Variants in C4orf36 observed in about 807,000 individuals in gnomAD.
C4orf36 encodes the protein uncharacterized protein C4orf36.
In C4orf36, 11 loss-of-function variants were observed where a neutral mutation model predicts 12.2. That is an observed-to-expected ratio of 0.90 (90% CI 0.57 to 1.49). The LOEUF (loss-of-function observed/expected upper bound fraction) is 1.49. C4orf36 is among the 40% of genes most tolerant of loss of function. The pLI, the probability that C4orf36 is intolerant of heterozygous loss-of-function variation, is 0.00. For missense variants in C4orf36, 137 were observed against 133.9 expected, an observed-to-expected ratio of 1.02 and a Z score of -0.11; for synonymous variants, 54 against 51.3, an observed-to-expected ratio of 1.05 and a Z score of -0.22.
At chr4:86,928,912 C>CT in the C4orf36 span, among the ~76,000 whole-genome samples, 1 of 151,390 alleles carries the variant, frequency 6.6e-6, no homozygotes, top group African/African-American at 2.4e-5. Flanking sequence ...TCCTCCTTCC[C>CT]TCTCCTTCTC....
At chr4:86,935,131 G>C in the C4orf36 span, 1 of 152,254 alleles carries the variant, frequency 6.6e-6, no homozygotes, top group Admixed American at 6.5e-5. Flanking sequence ...GGGAGGAGGC[G>C]CTCCCCTGCG....
intron 3 of C4orf36, 89 bp from the exon 4 acceptor site, chr4:86,887,982 T>C (rs1747243945): frequency 1.3e-6 from 2 of 1,557,460 alleles, no homozygotes; most frequent in Non-Finnish European, 1.7e-6. Context: ...GCAAAATCCA[T>C]ATGCCTGAAT....
rs78316143 is a variant in C4orf36 at position 86,890,142 on chromosome 4, C to T, written c.65+1314G>A. Reference sequence around the variant, plus strand: ...AGGAGGTGCACAACATTCCAGCCTGCGTGACAGTGTGAGACCCTGTCAGGA... The same window carrying T: ...AGGAGGTGCACAACATTCCAGCCTGTGTGACAGTGTGAGACCCTGTCAGGA... On this transcript the variant is annotated intron_variant, in intron 2 of 4. Coordinates refer to ENST00000295898, the MANE Select transcript of C4orf36 (RefSeq NM_144645.4). 3,917 of 433,780 alleles carry T rather than the reference C, an allele frequency of 9.0e-3. 146 individuals carry two copies. The highest frequency in any genetic ancestry group is 0.08 in the African/African-American group (3,499 of 44,000). 26.9% of individuals were successfully genotyped at this position (433,780 alleles called of 1,614,324 possible).
the C4orf36 span, among the ~76,000 whole-genome samples, chr4:86,923,083 C>T: frequency 1.3e-5 from 2 of 149,030 alleles, no homozygotes; most frequent in African/African-American, 5.0e-5. Context: ...CTGCATCCAG[C>T]TGCCTTTTTT....
the C4orf36 span, among the ~76,000 whole-genome samples, chr4:86,932,058 AGAT>A: frequency 3.0e-4 from 5 of 16,858 alleles, no homozygotes; most frequent in Non-Finnish European, 1.4e-3. Flanking sequence ...AAAAAAAAAA[AGAT>A]TTATTCCGGG....
chr4:86,926,405 A>C, the C4orf36 span: 1 of 152,206 alleles, frequency 6.6e-6, no homozygotes, highest in African/African-American at 2.4e-5. Flanking sequence ...GGAGAACCAC[A>C]ACCAATTGTA....
At chr4:86,907,459 G>C in the C4orf36 span, among the ~76,000 whole-genome samples, 4 of 152,126 alleles carry the variant, frequency 2.6e-5, no homozygotes, top group Non-Finnish European at 5.9e-5. Flanking sequence ...CATGACACAT[G>C]TAACAAACCT....
intron 2 of C4orf36, among the ~76,000 whole-genome samples, chr4:86,889,077 T>C (rs1433739962): frequency 6.6e-6 from 1 of 152,154 alleles, no homozygotes; most frequent in Non-Finnish European, 1.5e-5. Flanking sequence ...AGGCCGGGCA[T>C]GGTGGCTCAC....
At chr4:86,925,203 T>C in the C4orf36 span, 2 of 152,080 alleles carry the variant, frequency 1.3e-5, no homozygotes, top group Non-Finnish European at 2.9e-5. Flanking sequence ...GGGACATATA[T>C]CCAAACTGTA....
the C4orf36 span, chr4:86,934,737 G>T: frequency 6.6e-6 from 1 of 152,290 alleles, no homozygotes; most frequent in African/African-American, 2.4e-5. Flanking sequence ...TAAAGTGAAA[G>T]GGTTCTTGCG....
chr4:86,880,212 C>A (rs778556050), intron 4 of C4orf36, among the ~76,000 whole-genome samples: 2 of 152,138 alleles, frequency 1.3e-5, no homozygotes, highest in Non-Finnish European at 2.9e-5. Context: ...GTGGCTCCCA[C>A]CAATACTCCC....
At chr4:86,882,142 T>C (rs1747066894) in intron 4 of C4orf36, among the ~76,000 whole-genome samples, 1 of 152,224 alleles carries the variant, frequency 6.6e-6, no homozygotes, top group African/African-American at 2.4e-5. Context: ...TTTCAATATG[T>C]GCAGTTTTCA....
the C4orf36 span, among the ~76,000 whole-genome samples, chr4:86,929,341 TTTTTTTATTTTA>T: frequency 6.6e-6 from 1 of 152,196 alleles, no homozygotes; most frequent in Non-Finnish European, 1.5e-5. Flanking sequence ...GACTGTGGCC[TTTTTTTATTTTA>T]TTTTTTATTT....
At chr4:86,904,580 C>CAAA in the C4orf36 span, among the ~76,000 whole-genome samples, 1 of 70,456 alleles carries the variant, frequency 1.4e-5, no homozygotes, top group African/African-American at 5.2e-5. Flanking sequence ...GACTCTGTCT[C>CAAA]AAAAAAAAAA....
the C4orf36 span, chr4:86,934,446 C>T: frequency 6.6e-6 from 1 of 152,212 alleles, no homozygotes; most frequent in African/African-American, 2.4e-5. Context: ...CCTGGTTTCC[C>T]ATGCCACTTA....
chr4:86,886,871 C>T (rs1747189617), intron 4 of C4orf36: 1 of 152,104 alleles, frequency 6.6e-6, no homozygotes, highest in African/African-American at 2.4e-5. Context: ...CCCAAATGTC[C>T]AACAATGATA....
chr4:86,883,316 T>C (rs1420164184), intron 4 of C4orf36, among the ~76,000 whole-genome samples: 1 of 152,210 alleles, frequency 6.6e-6, no homozygotes, highest in East Asian at 1.9e-4. Context: ...ACAGTGGCCA[T>C]ATTTTCAACT....
the C4orf36 span, among the ~76,000 whole-genome samples, chr4:86,934,064 A>G: frequency 6.6e-6 from 1 of 152,238 alleles, no homozygotes; most frequent in Non-Finnish European, 1.5e-5. Context: ...AAGGCAGAGA[A>G]GGCAGGGAGG....
chr4:86,914,202 C>T, the C4orf36 span: 1 of 1,594,298 alleles, frequency 6.3e-7, no homozygotes. Context: ...AGTAGCTGCA[C>T]AGTTAATTCT....
Sources: gnomAD v4.1 joint callset for allele counts (sites outside exome capture counted in the v4.1 genomes callset) on GRCh38, gnomAD v4.1.1 for gene constraint, MANE v1.5 for transcripts, NCBI Gene and HGNC (gene_info 2026-07-23, HGNC 2026-07-21) for gene names.